The following RYR3 variants were observed in gnomAD, a reference collection of about 807,000 sequenced individuals.
The protein encoded by RYR3 is brain ryanodine receptor-calcium release channel.
RYR3 carries 207 observed loss-of-function variants against 584.3 expected under a neutral mutation model. The observed-to-expected ratio is 0.35, with a 90% CI of 0.32 to 0.40. RYR3 has a LOEUF of 0.40. RYR3 is among the 10% of genes least tolerant of loss of function. The pLI, the probability that RYR3 is intolerant of heterozygous loss-of-function variation, is 1.00. For missense variants in RYR3, 5,616 were observed against 6,089.2 expected, an observed-to-expected ratio of 0.92 and a Z score of 2.59; for synonymous variants, 2,416 against 2,248.5, an observed-to-expected ratio of 1.07 and a Z score of -2.11.
chr15:33,353,163 A>G (rs1973507929), intron 1 of RYR3, among the ~76,000 whole-genome samples: 1 of 152,204 alleles, frequency 6.6e-6, no homozygotes, highest in Non-Finnish European at 1.5e-5. Flanking sequence ...AGAACAGCCT[A>G]AGTCAACTGT....
chr15:33,477,757 C>T (rs1232948958), intron 2 of RYR3, among the ~76,000 whole-genome samples: 4 of 142,452 alleles, frequency 2.8e-5, no homozygotes, highest in African/African-American at 6.0e-5. Context: ...CGCCTGTAGT[C>T]CCAGCTACTC....
chr15:33,729,573 A>G (rs1387019504), intron 47 of RYR3, among the ~76,000 whole-genome samples: 2 of 152,190 alleles, frequency 1.3e-5, no homozygotes, highest in Admixed American at 1.3e-4. Flanking sequence ...GAAGGTCAAT[A>G]CAAGAGGACA....
chr15:33,703,691 T>A (rs1055200984), intron 42 of RYR3, among the ~76,000 whole-genome samples: 1 of 152,212 alleles, frequency 6.6e-6, no homozygotes, highest in African/African-American at 2.4e-5. Context: ...ACAGAGGGGT[T>A]TGTCTTTGAG....
intron 1 of RYR3, among the ~76,000 whole-genome samples, chr15:33,415,290 G>A (rs2676059): frequency 0.027 from 4,180 of 152,166 alleles, 196 homozygotes; most frequent in African/African-American, 0.096. Flanking sequence ...TTACATACGT[G>A]TCTAGCAGTG....
At chr15:33,786,463 G>A (rs1473159056) in intron 66 of RYR3, among the ~76,000 whole-genome samples, 6 of 151,448 alleles carry the variant, frequency 4.0e-5, no homozygotes, top group East Asian at 1.9e-4. Flanking sequence ...GCGGGCTCAC[G>A]GTAGTGGCAC....
chr15:33,368,177 G>A (rs573419462), intron 1 of RYR3, among the ~76,000 whole-genome samples: 3 of 152,104 alleles, frequency 2.0e-5, no homozygotes, highest in South Asian at 4.2e-4. Context: ...ACAAAAAGAC[G>A]TAAGGACTCA....
At chr15:33,439,499 T>A (rs184520289) in intron 1 of RYR3, among the ~76,000 whole-genome samples, 2,815 of 152,314 alleles carry the variant, frequency 0.018, 77 homozygotes, top group African/African-American at 0.061. Flanking sequence ...ATCATTTTTT[T>A]AAAATTGATG....
rs189343525 is a variant in RYR3, at chr15:33,422,762, G to C, written c.52-50657G>C. 1.4e-3 allele frequency among the ~76,000 whole-genome samples: 208 copies of C among 152,234 alleles called. 1 individual carries two copies. The highest frequency in any genetic ancestry group is 4.9e-3 in the African/African-American group (203 of 41,542). ...AACCTGGGCTTGGACAGGTAAGTAG[G>C]AACCAGATCAGCAGAGGCCTTGTAT... is the stretch of plus-strand genomic sequence containing the variant. On this transcript the variant is annotated intron_variant, in intron 1 of 103. Coordinates refer to ENST00000634891, the MANE Select transcript of RYR3 (RefSeq NM_001036.6).
Position 33,503,625 on chromosome 15 carries a change from C to T in RYR3, c.172-6C>T, listed in dbSNP as rs1375794014. 6.4e-7 allele frequency: 1 copy of T among 1,565,898 alleles called. No homozygotes were observed. Among genetic ancestry groups the T allele is most frequent in the Non-Finnish European group, 8.8e-7 (1 of 1,139,044 alleles). On this transcript the variant is annotated splice_region_variant and splice_polypyrimidine_tract_variant and intron_variant, in intron 2 of 103. Transcript: ENST00000634891. ...AGGTATCCTCATTCTGATTTTATTTCCACAGTACATTCCTCCAGATCTCTG... is the reference window on the plus strand; with the variant it reads ...AGGTATCCTCATTCTGATTTTATTTTCACAGTACATTCCTCCAGATCTCTG...
At position 33,478,591 on chromosome 15, in the gene RYR3, A is replaced by G. The variant is rs16971530; in HGVS notation, c.171+5053A>G. 3.4e-3 allele frequency among the ~76,000 whole-genome samples: 525 copies of G among 152,368 alleles called. 2 individuals carry two copies. The highest frequency in any genetic ancestry group is 6.8e-3 in the Middle Eastern group (2 of 294). On this transcript the variant is annotated intron_variant, in intron 2 of 103. Coordinates refer to ENST00000634891, the MANE Select transcript of RYR3 (RefSeq NM_001036.6). Reference sequence around the variant, plus strand: ...GTAACATGACTTACATACAGGTTGTATCAAGTAACCATGGGAACAAAACTG... The same window carrying G: ...GTAACATGACTTACATACAGGTTGTGTCAAGTAACCATGGGAACAAAACTG...
At chr15:33,494,102 A>G (rs939961006) in intron 2 of RYR3, among the ~76,000 whole-genome samples, 2 of 150,406 alleles carry the variant, frequency 1.3e-5, no homozygotes, top group African/African-American at 2.4e-5. Context: ...GATTGTGGCT[A>G]TTTTTTTTTT....
intron 2 of RYR3, among the ~76,000 whole-genome samples, chr15:33,493,334 GC>G (rs2051139157): frequency 6.6e-6 from 1 of 152,086 alleles, no homozygotes; most frequent in Non-Finnish European, 1.5e-5. Flanking sequence ...TTTCTGATAT[GC>G]AAGCTCTTTG....
intron 16 of RYR3, among the ~76,000 whole-genome samples, chr15:33,593,752 A>G (rs1442647927): frequency 6.6e-6 from 1 of 152,244 alleles, no homozygotes; most frequent in Non-Finnish European, 1.5e-5. Context: ...AGAAAATAAT[A>G]AAAATTGAAA....
chr15:33,563,284 A>G (rs995281451), intron 11 of RYR3, among the ~76,000 whole-genome samples: 1 of 152,198 alleles, frequency 6.6e-6, no homozygotes, highest in African/African-American at 2.4e-5. Context: ...GATCTAAATG[A>G]CTTTTGGTGA....
chr15:33,522,427 GA>G (rs1205523650), intron 3 of RYR3, among the ~76,000 whole-genome samples: 1 of 152,130 alleles, frequency 6.6e-6, no homozygotes, highest in African/African-American at 2.4e-5. Context: ...TCTTAGGGGG[GA>G]AAAACCTCTT....
At chr15:33,514,853 A>T (rs936003401) in intron 3 of RYR3, among the ~76,000 whole-genome samples, 1 of 152,012 alleles carries the variant, frequency 6.6e-6, no homozygotes, top group Admixed American at 6.5e-5. Context: ...TACAAAAAAA[A>T]ATTAGCCAGG....
chr15:33,799,632 G>A (rs1487919319), intron 67 of RYR3, among the ~76,000 whole-genome samples: 5 of 152,164 alleles, frequency 3.3e-5, no homozygotes. Context: ...AGTAAATCAA[G>A]TATTTTCCTG....
chr15:33,726,340 G>T (rs377296437), intron 45 of RYR3, 46 bp from the exon 46 acceptor site: 2 of 1,607,690 alleles, frequency 1.2e-6, no homozygotes, highest in East Asian at 2.2e-5. Context: ...GGAGGGAGGT[G>T]TGGGAACCTC....
At chr15:33,651,993 G>A (rs2062503887) in intron 31 of RYR3, among the ~76,000 whole-genome samples, 1 of 152,186 alleles carries the variant, frequency 6.6e-6, no homozygotes, top group East Asian at 1.9e-4. Flanking sequence ...GGGGAATCAG[G>A]CTTTGGGAGC....
Sources: allele counts gnomAD v4.1 joint callset (sites outside exome capture counted in the v4.1 genomes callset), GRCh38; gene constraint gnomAD v4.1.1; transcripts MANE v1.5; gene names NCBI Gene and HGNC (gene_info 2026-07-23, HGNC 2026-07-21).